The following IQCE variants were observed in gnomAD, a reference collection of about 807,000 sequenced individuals.
The protein encoded by IQCE is IQ domain-containing protein E.
In IQCE, 115 loss-of-function variants were observed where a neutral mutation model predicts 96.0. The observed-to-expected ratio is 1.20, with a 90% CI of 1.03 to 1.40. IQCE has a LOEUF of 1.40. Among genes scored for constraint, IQCE ranks in the 40% most tolerant of loss-of-function variants. IQCE has a pLI of 0.00. For missense variants in IQCE, 1,041 were observed against 909.1 expected (o/e 1.15, Z -1.87); for synonymous variants, 412 against 371.2 (o/e 1.11, Z -1.26).
At chr7:2,598,773 A>G (rs777813415) in intron 17 of IQCE, 141 bp downstream of exon 17, 2 of 672,746 alleles carry the variant, frequency 3.0e-6, no homozygotes, top group Non-Finnish European at 4.4e-6. Flanking sequence ...CAGAAAATGA[A>G]AACCTCATTC....
At position 2,598,525 on chromosome 7, in the gene IQCE, G is replaced by T; in HGVS notation, c.1501G>T (p.Asp501Tyr). 1 of 1,611,252 alleles carries T rather than the reference G, an allele frequency of 6.2e-7. No homozygotes were observed. Reference protein sequence around the residue: ...SRHCEQDWPPDSSEEGLPRPR... With the variant: ...SRHCEQDWPPYSSEEGLPRPR... ...GCACTGCGAGCAAGACTGGCCGCCGGATTCCAGCGAGGAGGGGCTCCCGCG... is the reference window on the plus strand; with the variant it reads ...GCACTGCGAGCAAGACTGGCCGCCGTATTCCAGCGAGGAGGGGCTCCCGCG... Residue 501 changes from aspartate (D) to tyrosine (Y), a missense_variant, in exon 17 of 22, where the codon GAT (aspartate) becomes TAT (tyrosine). By Grantham distance (160) the Asp-to-Tyr change is radical. Transcript: ENST00000402050.
At chr7:2,598,398 C>T (rs1355137765) in intron 16 of IQCE, 67 bp from the exon 17 acceptor site, 2 of 1,437,384 alleles carry the variant, frequency 1.4e-6, no homozygotes, top group East Asian at 2.4e-5. Context: ...ATATCCTGTC[C>T]CCTTGCCGGA....
At chr7:2,607,301 C>G (rs759903525) in intron 21 of IQCE, 74 bp downstream of exon 21, 12 of 1,598,512 alleles carry the variant, frequency 7.5e-6, no homozygotes, top group South Asian at 2.2e-5. Context: ...GTGGCCACCT[C>G]CAGGAAGCCC....
chr7:2,564,796 ATGTC>A (rs961823983), intron 1 of IQCE, among the ~76,000 whole-genome samples: 3 of 152,032 alleles, frequency 2.0e-5, no homozygotes, highest in African/African-American at 7.3e-5. Flanking sequence ...TGTTCTGTAA[ATGTC>A]TGTTAGGTTT....
intron 13 of IQCE, among the ~76,000 whole-genome samples, chr7:2,588,146 G>A (rs1467789035): frequency 6.6e-6 from 1 of 152,216 alleles, no homozygotes; most frequent in Non-Finnish European, 1.5e-5. Flanking sequence ...GCCTGTGCAG[G>A]CTGTGGGCTG....
rs557825712 is a variant in IQCE, at chr7:2,586,369, A to C, written c.986A>C (p.Gln329Pro). Residue 329 changes from glutamine to proline, a missense_variant and splice_region_variant, in exon 12 of 22, where the codon CAG (glutamine) becomes CCG (proline). By Grantham distance (76) the Gln-to-Pro change is moderately conservative. Transcript: ENST00000402050. ...ACCTCCCCAACCATCTCCAAGACAC[A>C]GGGTACCTTCCTGAAAGCCACTCCA... ...LSTSPTISKT[Q>P]GYVEWSKPRL... The C allele has an allele frequency of 1.9e-6, 3 of 1,610,484 alleles. No homozygotes were observed. The Admixed American group carries it at 5.0e-5, about 27-fold the overall frequency.
chr7:2,561,256 C>T (rs539340375), intron 1 of IQCE, among the ~76,000 whole-genome samples: 30 of 152,136 alleles, frequency 2.0e-4, no homozygotes, highest in Admixed American at 1.8e-3. Flanking sequence ...TTGCTCCCAG[C>T]CCTATGTAGA....
intron 1 of IQCE, among the ~76,000 whole-genome samples, chr7:2,565,372 G>A (rs1261234663): frequency 4.6e-5 from 7 of 152,098 alleles, no homozygotes; most frequent in South Asian, 4.1e-4. Flanking sequence ...CACTATGACC[G>A]GCAGGCTGGA....
At chr7:2,593,413 A>G (rs1213977944) in intron 15 of IQCE, among the ~76,000 whole-genome samples, 1 of 152,226 alleles carries the variant, frequency 6.6e-6, no homozygotes, top group Admixed American at 6.5e-5. Flanking sequence ...TCTGGTCAGA[A>G]CCACCCAGGT....
intron 6 of IQCE, among the ~76,000 whole-genome samples, chr7:2,575,301 C>T (rs1196464400): frequency 2.6e-5 from 4 of 152,214 alleles, no homozygotes; most frequent in African/African-American, 4.8e-5. Flanking sequence ...CAGCCATCAT[C>T]GACACCTGCA....
At chr7:2,579,915 C>A (rs183917559) in intron 8 of IQCE, among the ~76,000 whole-genome samples, 164 of 145,992 alleles carry the variant, frequency 1.1e-3, no homozygotes, top group Admixed American at 4.2e-3. Flanking sequence ...CCACAGGCAG[C>A]TAATTTTTTT....
At chr7:2,562,238 G>GTC (rs1177881529) in intron 1 of IQCE, among the ~76,000 whole-genome samples, 3 of 151,170 alleles carry the variant, frequency 2.0e-5, no homozygotes, top group African/African-American at 7.3e-5. Flanking sequence ...CTTGGGGTGT[G>GTC]TGTGTGTGTG....
chr7:2,610,423 C>A lies in IQCE; in HGVS notation c.*261C>A. 2.4e-6 allele frequency: 1 copy of A among 420,736 alleles called. No individual in the cohort carries two copies. The highest frequency in any genetic ancestry group is 6.8e-4 in the Middle Eastern group (1 of 1,462). 26.1% of individuals were successfully genotyped at this position (420,736 alleles called of 1,614,324 possible). On this transcript the variant is annotated 3_prime_UTR_variant, in exon 22 of 22. Transcript: ENST00000402050. Reference sequence around the variant, plus strand: ...GGTGGATTTTCAGTGCCAACAGACACATCTGCCGTGAACTCGCAGATGCCA... The same window carrying A: ...GGTGGATTTTCAGTGCCAACAGACAAATCTGCCGTGAACTCGCAGATGCCA...
rs1315468194 is a variant in IQCE, at chr7:2,594,989, T to C, written c.1440+13T>C. ...AGTTCCTCATAAGGTACAGTGACCA[T>C]TCAGTTGAGTCTCCCGTCAGGTGCG... On this transcript the variant is annotated intron_variant, in intron 16 of 21. Transcript: ENST00000402050. The C allele has an allele frequency of 6.4e-7, 1 of 1,564,306 alleles. No individual in the cohort carries two copies. The highest frequency in any genetic ancestry group is 1.7e-5 in the Admixed American group (1 of 59,982).
chr7:2,564,337 A>G (rs999553270), intron 1 of IQCE, among the ~76,000 whole-genome samples: 1 of 151,416 alleles, frequency 6.6e-6, no homozygotes, highest in African/African-American at 2.4e-5. Context: ...ACTCACACCT[A>G]TAGCCCCAGC....
At position 2,605,861 on chromosome 7, in the gene IQCE, G is replaced by T; in HGVS notation, c.1744-15G>T. ...CTGCCAAACAGTCGTCTTCCCTGCT[G>T]TCCTTGCACCCCAGAGCTCTCCTGT... On this transcript the variant is annotated splice_polypyrimidine_tract_variant and intron_variant, in intron 19 of 21. Transcript: ENST00000402050. The T allele has an allele frequency of 1.3e-6, 2 of 1,571,806 alleles. No homozygotes were observed. The highest frequency in any genetic ancestry group is 1.7e-6 in the Non-Finnish European group (2 of 1,159,010).
intron 1 of IQCE, among the ~76,000 whole-genome samples, chr7:2,560,212 G>A (rs1243266094): frequency 6.6e-6 from 1 of 152,076 alleles, no homozygotes; most frequent in Non-Finnish European, 1.5e-5. Context: ...TCATATCACG[G>A]CCCTCCAGCC....
rs376939354 is a variant in IQCE, at chr7:2,567,184, G to C, written c.84+21G>C. The C allele has an allele frequency of 1.6e-5, 25 of 1,609,720 alleles. No homozygotes were observed. In the African/African-American group the frequency reaches 3.1e-4, roughly 20 times the overall value. The stretch of plus-strand genomic sequence containing the variant: ...AGACGGTGAGTGCCGCTGGGTGTCA[G>C]CCGTGCGACCTCGGGCTGGTTGCGC... On this transcript the variant is annotated intron_variant, in intron 2 of 21. Coordinates refer to ENST00000402050, the MANE Select transcript of IQCE (RefSeq NM_152558.5).
chr7:2,570,766 A>G (rs1450398680), intron 3 of IQCE, among the ~76,000 whole-genome samples: 1 of 152,214 alleles, frequency 6.6e-6, no homozygotes, highest in Non-Finnish European at 1.5e-5. Context: ...CCTTACTTTC[A>G]TACAAAATCA....
Sources: gnomAD v4.1 joint callset for allele counts (sites outside exome capture counted in the v4.1 genomes callset) on GRCh38, gnomAD v4.1.1 for gene constraint, MANE v1.5 for transcripts, NCBI Gene and HGNC (gene_info 2026-07-23, HGNC 2026-07-21) for gene names.